Variants in GRID2 observed in about 807,000 individuals in gnomAD.
GRID2 encodes the protein glutamate ionotropic receptor delta type subunit 2, also known as glutamate receptor ionotropic, delta-2.
A neutral mutation model predicts 114.8 loss-of-function variants in GRID2; 33 were observed. The observed-to-expected ratio is 0.29, with a 90% confidence interval of 0.22 to 0.38. The LOEUF (loss-of-function observed/expected upper bound fraction) is 0.38, where lower values mean the gene tolerates loss of function less well. Among genes scored for constraint, GRID2 ranks in the 10% least tolerant of loss-of-function variants. GRID2 has a pLI of 1.00. For missense variants in GRID2, 1,184 were observed against 1,257.7 expected (o/e 0.94, Z 0.89); for synonymous variants, 505 against 449.9 (o/e 1.12, Z -1.55).
chr4:92,994,619 C>T (rs1171183165), intron 2 of GRID2, among the ~76,000 whole-genome samples: 1 of 152,116 alleles, frequency 6.6e-6, no homozygotes, highest in African/African-American at 2.4e-5. Context: ...CCACCATGCC[C>T]ACCCTATCAT....
chr4:93,192,770 AAGAG>A (rs1560969967), intron 4 of GRID2, among the ~76,000 whole-genome samples: 1 of 150,810 alleles, frequency 6.6e-6, no homozygotes, highest in Non-Finnish European at 1.5e-5. Flanking sequence ...AAAAAAAAAA[AAGAG>A]ATTTCTGTTG....
intron 1 of GRID2, among the ~76,000 whole-genome samples, chr4:92,567,205 C>T (rs1198662043): frequency 4.6e-5 from 7 of 151,926 alleles, no homozygotes; most frequent in African/African-American, 1.7e-4. Flanking sequence ...CATTAGCAAG[C>T]TTTCTAATGG....
chr4:92,709,484 G>C (rs982024608), intron 2 of GRID2, among the ~76,000 whole-genome samples: 2 of 147,708 alleles, frequency 1.4e-5, no homozygotes, highest in Non-Finnish European at 3.0e-5. Flanking sequence ...AAAGTGGAGA[G>C]TTAAGAGAAA....
At chr4:92,907,173 TTTTA>T (rs1262236202) in intron 2 of GRID2, among the ~76,000 whole-genome samples, 2 of 152,146 alleles carry the variant, frequency 1.3e-5, no homozygotes, top group East Asian at 1.9e-4. Context: ...ATTCTTTACA[TTTTA>T]TTTATTAACT....
intron 3 of GRID2, among the ~76,000 whole-genome samples, chr4:93,106,805 C>A (rs1732281813): frequency 6.6e-6 from 1 of 152,072 alleles, no homozygotes; most frequent in Non-Finnish European, 1.5e-5. Flanking sequence ...TTATGCTTGC[C>A]ATTTTGGGTA....
At chr4:92,936,160 T>C (rs1266150448) in intron 2 of GRID2, among the ~76,000 whole-genome samples, 1 of 147,048 alleles carries the variant, frequency 6.8e-6, no homozygotes, top group African/African-American at 2.4e-5. Context: ...TCTTTAATTT[T>C]CTTTCAATTG....
intron 13 of GRID2, among the ~76,000 whole-genome samples, chr4:93,564,531 T>C (rs1019191945): frequency 2.0e-5 from 3 of 152,070 alleles, no homozygotes; most frequent in Non-Finnish European, 4.4e-5. Context: ...CTTTATTCTC[T>C]TAACATGTTG....
chr4:93,776,419 T>C (rs561840626), downstream of GRID2, among the ~76,000 whole-genome samples: 1 of 152,308 alleles, frequency 6.6e-6, no homozygotes, highest in South Asian at 2.1e-4. Flanking sequence ...TATAGAAGAT[T>C]TGATAGATGT....
chr4:92,801,719 A>G (rs995682600), intron 2 of GRID2, among the ~76,000 whole-genome samples: 1 of 151,972 alleles, frequency 6.6e-6, no homozygotes, highest in Non-Finnish European at 1.5e-5. Flanking sequence ...GTAATAATAC[A>G]TATAGGCTAA....
At chr4:93,428,888 G>C (rs1580057637) in intron 10 of GRID2, among the ~76,000 whole-genome samples, 1 of 152,198 alleles carries the variant, frequency 6.6e-6, no homozygotes, top group South Asian at 2.1e-4. Flanking sequence ...TTAATATTGT[G>C]GGTTGATCAC....
At chr4:93,740,488 A>G (rs188211132) in intron 14 of GRID2, among the ~76,000 whole-genome samples, 1 of 152,290 alleles carries the variant, frequency 6.6e-6, no homozygotes, top group Non-Finnish European at 1.5e-5. Context: ...TTCTTTGGTC[A>G]TTTCTATTGT....
intron 2 of GRID2, among the ~76,000 whole-genome samples, chr4:93,046,262 A>G (rs548089950): frequency 1.3e-5 from 2 of 152,202 alleles, no homozygotes; most frequent in Non-Finnish European, 2.9e-5. Flanking sequence ...AGCCATGACC[A>G]GTGATGACCA....
At chr4:93,593,931 T>C (rs1242223891) in intron 13 of GRID2, among the ~76,000 whole-genome samples, 1 of 151,822 alleles carries the variant, frequency 6.6e-6, no homozygotes, top group East Asian at 2.0e-4. Flanking sequence ...CTTCTCTGTA[T>C]TGGTTATTCT....
intron 13 of GRID2, among the ~76,000 whole-genome samples, chr4:93,616,336 G>A (rs1047583272): frequency 2.0e-5 from 3 of 151,552 alleles, no homozygotes; most frequent in African/African-American, 7.3e-5. Context: ...TTGAAGCCAG[G>A]AGCTCGAGAC....
chr4:93,632,697 C>T (rs538793512), intron 14 of GRID2, among the ~76,000 whole-genome samples: 35 of 152,216 alleles, frequency 2.3e-4, no homozygotes, highest in Non-Finnish European at 4.7e-4. Context: ...CTTGGCAATG[C>T]GGGCTCTTTT....
intron 2 of GRID2, among the ~76,000 whole-genome samples, chr4:92,633,502 G>C (rs992775321): frequency 6.6e-6 from 1 of 152,002 alleles, no homozygotes; most frequent in African/African-American, 2.4e-5. Flanking sequence ...TACATATAAC[G>C]AATTCCTAGA....
intron 14 of GRID2, among the ~76,000 whole-genome samples, chr4:93,700,210 G>A (rs1727389441): frequency 6.6e-6 from 1 of 152,088 alleles, no homozygotes; most frequent in Non-Finnish European, 1.5e-5. Flanking sequence ...CTAATACAGA[G>A]CAGGTTTTTC....
intron 2 of GRID2, among the ~76,000 whole-genome samples, chr4:92,629,599 G>A (rs1158674938): frequency 6.6e-6 from 1 of 151,968 alleles, no homozygotes; most frequent in African/African-American, 2.4e-5. Flanking sequence ...GCCAGAAAAC[G>A]TGTTAAGGGT....
intron 13 of GRID2, among the ~76,000 whole-genome samples, chr4:93,592,603 C>G (rs376268280): frequency 0.012 from 1,749 of 151,946 alleles, 21 homozygotes; most frequent in African/African-American, 0.034. Flanking sequence ...TTCAATTCCT[C>G]GGTATCCTTG....
Sources: allele counts gnomAD v4.1 joint callset (sites outside exome capture counted in the v4.1 genomes callset), GRCh38; gene constraint gnomAD v4.1.1; transcripts MANE v1.5; gene names NCBI Gene and HGNC (gene_info 2026-07-23, HGNC 2026-07-21).